RBPMS: variants seen among roughly 807,000 people sequenced by gnomAD.
RBPMS encodes the protein RNA-binding protein with multiple splicing.
RBPMS carries 7 observed loss-of-function variants against 26.8 expected under a neutral mutation model. That is an observed-to-expected ratio of 0.26 (90% CI 0.15 to 0.49). The LOEUF is 0.49. Among genes scored for constraint, RBPMS ranks in the 20% least tolerant of loss-of-function variants. RBPMS has a pLI of 0.98. For synonymous variants in RBPMS, 96 were observed against 93.3 expected (o/e 1.03, Z -0.17); for missense variants, 186 against 250.0 (o/e 0.74, Z 1.73).
chr8:30,525,068 C>A lies in RBPMS; in HGVS notation c.398-19426C>A, dbSNP rs576016174. ...AAATCATTTTATTGTAAATGTTTCT[C>A]AAACTTAAGTTCTCCTAAAATAGCA... On this transcript the variant is annotated intron_variant, in intron 5 of 8. Transcript: ENST00000397323. Among the ~76,000 whole-genome samples, 6 of 152,232 alleles carry A rather than the reference C, an allele frequency of 3.9e-5. No individual in the cohort carries two copies. In the East Asian group the frequency reaches 1.2e-3, roughly 29 times the overall value.
intron 3 of RBPMS, among the ~76,000 whole-genome samples, chr8:30,478,296 A>G (rs1166880263): frequency 6.6e-6 from 1 of 152,116 alleles, no homozygotes; most frequent in Non-Finnish European, 1.5e-5. Context: ...AGTGATTCTA[A>G]TAGTTCCTAC....
intron 1 of RBPMS, among the ~76,000 whole-genome samples, chr8:30,411,619 T>C (rs2915619): frequency 1 from 147,925 of 148,248 alleles, 73,809 homozygotes; most frequent in Middle Eastern, 1. Flanking sequence ...GAGCCGTGAT[T>C]GCACCACTGC....
intron 5 of RBPMS, among the ~76,000 whole-genome samples, chr8:30,539,545 T>C (rs951293893): frequency 8.5e-5 from 13 of 152,256 alleles, no homozygotes; most frequent in African/African-American, 3.1e-4. Flanking sequence ...GAAGGCAGGA[T>C]GGAAGTATAT....
chr8:30,541,327 T>C (rs1201170140), intron 5 of RBPMS, among the ~76,000 whole-genome samples: 1 of 152,182 alleles, frequency 6.6e-6, no homozygotes, highest in Non-Finnish European at 1.5e-5. Context: ...GATTACAGGG[T>C]GGAGTTGGAA....
chr8:30,540,576 C>T (rs903919056), intron 5 of RBPMS, among the ~76,000 whole-genome samples: 7 of 152,088 alleles, frequency 4.6e-5, no homozygotes, highest in African/African-American at 1.4e-4. Context: ...AAGGCATGCA[C>T]CGCCAGGCCT....
At chr8:30,480,523 A>G (rs1285676473) in intron 4 of RBPMS, among the ~76,000 whole-genome samples, 1 of 152,266 alleles carries the variant, frequency 6.6e-6, no homozygotes, top group African/African-American at 2.4e-5. Flanking sequence ...GGTTTTTCAT[A>G]TAAAGCATAT....
At chr8:30,436,163 A>G (rs12542878) in intron 1 of RBPMS, among the ~76,000 whole-genome samples, 2,798 of 151,852 alleles carry the variant, frequency 0.018, 82 homozygotes, top group South Asian at 0.094. Flanking sequence ...TAATGACATC[A>G]GCCTCCTCCT....
At chr8:30,462,780 G>C (rs1293976282) in intron 1 of RBPMS, among the ~76,000 whole-genome samples, 1 of 152,062 alleles carries the variant, frequency 6.6e-6, no homozygotes, top group Non-Finnish European at 1.5e-5. Context: ...TATAAAGAGA[G>C]ACAGAGATTT....
At chr8:30,567,475 G>A (rs538650810) in intron 8 of RBPMS, among the ~76,000 whole-genome samples, 9 of 152,278 alleles carry the variant, frequency 5.9e-5, no homozygotes, top group Non-Finnish European at 1.0e-4. Flanking sequence ...CTAGGCCCAC[G>A]GCCTTCTAGC....
At chr8:30,549,777 TC>T (rs1289632148) in intron 6 of RBPMS, among the ~76,000 whole-genome samples, 12 of 106,140 alleles carry the variant, frequency 1.1e-4, no homozygotes, top group Admixed American at 3.8e-4. Flanking sequence ...TTTTCTTCTC[TC>T]TCTCTCTCTC....
intron 1 of RBPMS, among the ~76,000 whole-genome samples, chr8:30,431,421 CTCTCT>C (rs1264557628): frequency 7.0e-6 from 1 of 143,612 alleles, no homozygotes; most frequent in Admixed American, 7.2e-5. Context: ...TTTTTCTCTT[CTCTCT>C]TCTCTTCTCT....
At chr8:30,482,232 T>C (rs1018188810) in intron 4 of RBPMS, among the ~76,000 whole-genome samples, 1 of 152,232 alleles carries the variant, frequency 6.6e-6, no homozygotes, top group African/African-American at 2.4e-5. Flanking sequence ...CTTGTAGCCA[T>C]TACAGAATTT....
chr8:30,450,787 CAAAAAA>C (rs59577795), intron 1 of RBPMS, among the ~76,000 whole-genome samples: 32 of 87,380 alleles, frequency 3.7e-4, no homozygotes, highest in South Asian at 7.9e-4. Context: ...TGCCTGAAAG[CAAAAAA>C]AAAAAAAAAA....
At chr8:30,424,543 A>G (rs979554378) in intron 1 of RBPMS, among the ~76,000 whole-genome samples, 5 of 152,238 alleles carry the variant, frequency 3.3e-5, no homozygotes, top group Non-Finnish European at 7.3e-5. Context: ...TACTGGATTC[A>G]TAACTAGGTT....
chr8:30,413,023 C>G (rs537644976), intron 1 of RBPMS, among the ~76,000 whole-genome samples: 48 of 152,318 alleles, frequency 3.2e-4, no homozygotes, highest in African/African-American at 1.1e-3. Context: ...AAGGTGGTGT[C>G]TGGAACACAT....
At chr8:30,415,898 A>G (rs1810008336) in intron 1 of RBPMS, among the ~76,000 whole-genome samples, 1 of 152,330 alleles carries the variant, frequency 6.6e-6, no homozygotes, top group East Asian at 1.9e-4. Flanking sequence ...GAAGTTGGTC[A>G]ATTTGTTTTT....
intron 1 of RBPMS, among the ~76,000 whole-genome samples, chr8:30,471,016 T>C (rs2150815037): frequency 6.6e-6 from 1 of 152,300 alleles, no homozygotes; most frequent in African/African-American, 2.4e-5. Flanking sequence ...GAAAGGGAGG[T>C]AATAAATTGA....
intron 4 of RBPMS, among the ~76,000 whole-genome samples, chr8:30,496,289 C>A (rs1819942096): frequency 6.6e-6 from 1 of 152,084 alleles, no homozygotes; most frequent in African/African-American, 2.4e-5. Context: ...CTGCCTCAGC[C>A]TCCCAAGTAT....
At chr8:30,392,095 G>A (rs534574508) in intron 1 of RBPMS, among the ~76,000 whole-genome samples, 35 of 152,118 alleles carry the variant, frequency 2.3e-4, no homozygotes, top group African/African-American at 3.4e-4. Flanking sequence ...ACAGTTTAAT[G>A]GTGATGCCCC....
Sources: gnomAD v4.1 joint callset for allele counts (sites outside exome capture counted in the v4.1 genomes callset) on GRCh38, gnomAD v4.1.1 for gene constraint, MANE v1.5 for transcripts, NCBI Gene and HGNC (gene_info 2026-07-23, HGNC 2026-07-21) for gene names.